The following PPARGC1A variants were observed in gnomAD, a reference collection of about 807,000 sequenced individuals.
PPARGC1A encodes PPARG coactivator 1 alpha.
A neutral mutation model predicts 88.7 loss-of-function variants in PPARGC1A; 25 were observed. That is an observed-to-expected ratio of 0.28 (90% confidence interval 0.21 to 0.39). PPARGC1A has a LOEUF of 0.39. PPARGC1A is among the 10% of genes least tolerant of loss of function. PPARGC1A has a pLI of 1.00. For missense variants in PPARGC1A, 880 were observed against 968.7 expected (o/e 0.91, Z 1.22); for synonymous variants, 363 against 355.6 (o/e 1.02, Z -0.24).
chr4:23,983,771 A>G, the PPARGC1A span, among the ~76,000 whole-genome samples: 1 of 152,020 alleles, frequency 6.6e-6, no homozygotes, highest in Non-Finnish European at 1.5e-5. Flanking sequence ...TACAAGAAGG[A>G]AGAAAATTCT....
chr4:24,185,801 CCA>C, the PPARGC1A span, among the ~76,000 whole-genome samples: 45 of 129,750 alleles, frequency 3.5e-4, 1 homozygote, highest in East Asian at 0.01. Flanking sequence ...CCCGACCCCA[CCA>C]CAGTCCCCAG....
chr4:24,001,988 GA>G, the PPARGC1A span, among the ~76,000 whole-genome samples: 1 of 152,076 alleles, frequency 6.6e-6, no homozygotes, highest in East Asian at 1.9e-4. Context: ...AGGGCACAGA[GA>G]ATCAGCCAAA....
At chr4:23,800,975 T>C (rs1439736634) in intron 12 of PPARGC1A, among the ~76,000 whole-genome samples, 2 of 151,664 alleles carry the variant, frequency 1.3e-5, no homozygotes, top group Non-Finnish European at 2.9e-5. Context: ...TTCTTTTTTT[T>C]TTTTTTTTTA....
chr4:24,387,818 A>AAGAAAGAAAGAAAGAGAAAGAG, the PPARGC1A span, among the ~76,000 whole-genome samples: 48 of 81,048 alleles, frequency 5.9e-4, 1 homozygote, highest in African/African-American at 2.2e-3. Flanking sequence ...GAAAGAAAGA[A>AAGAAAGAAAGAAAGAGAAAGAG]AGAAAGAGAG....
chr4:23,877,576 C>A (rs1338731741), intron 2 of PPARGC1A: 1 of 143,392 alleles, frequency 7.0e-6, no homozygotes, highest in Non-Finnish European at 1.5e-5. Context: ...TTAAAAGGAA[C>A]CTGAGAGGTT....
intron 2 of PPARGC1A, among the ~76,000 whole-genome samples, chr4:23,844,966 C>A (rs921894119): frequency 6.7e-6 from 1 of 149,044 alleles, no homozygotes; most frequent in Non-Finnish European, 1.5e-5. Context: ...ATGTTCTAGA[C>A]AGGGAAAAGA....
At chr4:24,325,185 G>A in the PPARGC1A span, among the ~76,000 whole-genome samples, 11 of 152,138 alleles carry the variant, frequency 7.2e-5, no homozygotes, top group East Asian at 1.7e-3. Flanking sequence ...ACCCTGAGAC[G>A]CTTTACAGCC....
At chr4:24,371,751 G>A in the PPARGC1A span, among the ~76,000 whole-genome samples, 1 of 149,028 alleles carries the variant, frequency 6.7e-6, no homozygotes, top group African/African-American at 2.5e-5. Flanking sequence ...GACTAGCCTG[G>A]CCAACATGAT....
chr4:24,313,373 A>G, the PPARGC1A span, among the ~76,000 whole-genome samples: 1 of 152,214 alleles, frequency 6.6e-6, no homozygotes, highest in East Asian at 1.9e-4. Context: ...GATAGAAGAT[A>G]TTTGCCATGT....
At chr4:24,213,153 C>T in the PPARGC1A span, among the ~76,000 whole-genome samples, 2 of 144,634 alleles carry the variant, frequency 1.4e-5, no homozygotes, top group South Asian at 2.3e-4. Context: ...CAGGGCACAA[C>T]TGATTATTTT....
chr4:24,456,389 G>A, the PPARGC1A span, among the ~76,000 whole-genome samples: 1 of 152,152 alleles, frequency 6.6e-6, no homozygotes, highest in East Asian at 1.9e-4. Flanking sequence ...CCCATTGGTG[G>A]GCAGGGGAGT....
At chr4:24,106,591 G>C in the PPARGC1A span, among the ~76,000 whole-genome samples, 302 of 152,242 alleles carry the variant, frequency 2.0e-3, 2 homozygotes, top group African/African-American at 6.9e-3. Context: ...AGAAGTCCCC[G>C]ATTCTCTGTC....
the PPARGC1A span, among the ~76,000 whole-genome samples, chr4:24,239,238 C>T: frequency 6.6e-6 from 1 of 152,182 alleles, no homozygotes; most frequent in Non-Finnish European, 1.5e-5. Context: ...AAAGTCTGCT[C>T]TCTTGAGGAG....
intron 2 of PPARGC1A, among the ~76,000 whole-genome samples, chr4:23,858,556 C>T (rs1207990691): frequency 6.6e-6 from 1 of 152,176 alleles, no homozygotes; most frequent in East Asian, 1.9e-4. Flanking sequence ...AGGTTGCTGA[C>T]CTCAGGGAAT....
chr4:24,351,060 G>A, the PPARGC1A span, among the ~76,000 whole-genome samples: 13 of 151,998 alleles, frequency 8.6e-5, no homozygotes, highest in East Asian at 3.9e-4. Flanking sequence ...GTGAAACCCC[G>A]TCTCTACCAA....
chr4:24,298,386 G>A, the PPARGC1A span, among the ~76,000 whole-genome samples: 5 of 152,174 alleles, frequency 3.3e-5, no homozygotes, highest in Non-Finnish European at 4.4e-5. Flanking sequence ...TGTAAAATGG[G>A]AATGATAGTA....
chr4:24,308,293 G>GAAAAAAAAAAAAAAAAAAAAGGAAAA, the PPARGC1A span, among the ~76,000 whole-genome samples: 1 of 72,950 alleles, frequency 1.4e-5, no homozygotes, highest in Non-Finnish European at 2.7e-5. Flanking sequence ...CTCTGCCACC[G>GAAAAAAAAAAAAAAAAAAAAGGAAAA]AAAAAAAAAA....
the PPARGC1A span, among the ~76,000 whole-genome samples, chr4:24,166,175 CA>C: frequency 3.3e-5 from 5 of 152,196 alleles, no homozygotes; most frequent in Admixed American, 6.5e-5. Context: ...TCCCTTAAGC[CA>C]AAGGCTAATG....
At chr4:24,345,524 T>C in the PPARGC1A span, among the ~76,000 whole-genome samples, 1 of 152,112 alleles carries the variant, frequency 6.6e-6, no homozygotes. Context: ...AGTTTAGTTT[T>C]GTTTTGTTTT....
Sources: allele counts gnomAD v4.1 joint callset (sites outside exome capture counted in the v4.1 genomes callset), GRCh38; gene constraint gnomAD v4.1.1; transcripts MANE v1.5; gene names NCBI Gene and HGNC (gene_info 2026-07-23, HGNC 2026-07-21).